The following C21orf58 variants were observed in gnomAD, a reference collection of about 807,000 sequenced individuals.
C21orf58 encodes the protein chromosome 21 open reading frame 58.
A neutral mutation model predicts 35.8 loss-of-function variants in C21orf58; 34 were observed. That is an observed-to-expected ratio of 0.95 (90% CI 0.72 to 1.26). C21orf58 has a LOEUF of 1.26. Among genes scored for constraint, C21orf58 ranks in the 50% most tolerant of loss-of-function variants. The probability of loss-of-function intolerance (pLI) is 0.00; values close to 1 mark genes in which losing one functional copy is unlikely to be tolerated. For synonymous variants in C21orf58, 191 were observed against 175.8 expected, an observed-to-expected ratio of 1.09 and a Z score of -0.68; for missense variants, 440 against 414.3, an observed-to-expected ratio of 1.06 and a Z score of -0.54.
chr21:46,322,665 G>C lies in C21orf58; in HGVS notation c.74C>G (p.Pro25Arg). 1 of 1,594,180 alleles carries C rather than the reference G, an allele frequency of 6.3e-7. No individual in the cohort carries two copies. Among genetic ancestry groups the C allele is most frequent in the South Asian group, 1.1e-5 (1 of 87,884 alleles). ...WKLDRQKLPS[P>R]DSGHSLLCGW... Reference sequence around the variant, plus strand: ...ACACAGAAGACTGTGGCCTGAGTCAGGAGAAGGAAGTTTCTGGCGGTCGAG... The same window carrying C: ...ACACAGAAGACTGTGGCCTGAGTCACGAGAAGGAAGTTTCTGGCGGTCGAG... The change falls in exon 1 of 8, where the codon CCT becomes CGT. Residue 25 changes from proline to arginine, a missense_variant. Physicochemically the swap from Pro to Arg is moderately radical, Grantham distance 103. Transcript: ENST00000291691.
chr21:46,313,052 GGAC>G (rs1225894316), intron 5 of C21orf58: 1 of 985,412 alleles, frequency 1.0e-6, no homozygotes, highest in East Asian at 1.1e-4. Flanking sequence ...TTCACAGAAA[GGAC>G]GGCAGAGACC....
intron 1 of C21orf58, chr21:46,322,361 G>A (rs117922731): frequency 0.026 from 21,130 of 813,726 alleles, 303 homozygotes; most frequent in Middle Eastern, 0.048. Flanking sequence ...GATGTCCACA[G>A]AAACGACTCT....
chr21:46,317,453 G>T, intron 2 of C21orf58, 185 bp from the exon 3 acceptor site: 1 of 936,460 alleles, frequency 1.1e-6, no homozygotes, highest in Non-Finnish European at 1.6e-6. Flanking sequence ...CTGTAAGCCT[G>T]ACCTCTAGCA....
At position 46,302,071 on chromosome 21, in the gene C21orf58, A is replaced by ATTG; in HGVS notation, c.896_897insCAA (p.His299_Ala300insAsn). The stretch of plus-strand genomic sequence containing the variant: ...TGGCAGCCCCAGGTGGCCACACAGC[A>ATTG]TGGTGGTGGTGGTGGTGGTGGTGCA... On this transcript the variant is annotated inframe_insertion, in exon 8 of 8. Transcript: ENST00000291691. 6.6e-7 allele frequency: 1 copy of ATTG among 1,506,792 alleles called. No individual in the cohort carries two copies. 93.3% of individuals were successfully genotyped at this position (1,506,792 alleles called of 1,614,324 possible).
At chr21:46,303,741 A>AT (rs2082269193) in intron 6 of C21orf58, among the ~76,000 whole-genome samples, 1 of 24,270 alleles carries the variant, frequency 4.1e-5, no homozygotes, top group African/African-American at 1.6e-4. Flanking sequence ...ATATATATAT[A>AT]TATATTTTTT....
intron 6 of C21orf58, among the ~76,000 whole-genome samples, chr21:46,303,220 T>C (rs111705627): frequency 0.052 from 7,880 of 151,864 alleles, 260 homozygotes; most frequent in Middle Eastern, 0.11. Context: ...ATGCCTGTAG[T>C]CCCAGCTACT....
At chr21:46,306,485 G>A (rs1457298476) in intron 6 of C21orf58, among the ~76,000 whole-genome samples, 3 of 151,924 alleles carry the variant, frequency 2.0e-5, no homozygotes, top group Non-Finnish European at 1.5e-5. Context: ...GCAACAGAGC[G>A]ACACTCCCAT....
At chr21:46,318,580 G>A (rs2083059914) in intron 1 of C21orf58, 1 of 1,164,028 alleles carries the variant, frequency 8.6e-7, no homozygotes, top group Non-Finnish European at 1.1e-6. Context: ...CCTCCAGGGT[G>A]TTAATACCTC....
rs1229887750 is a variant in C21orf58 at position 46,301,149 on chromosome 21, A to G, written c.*850T>C. 4.9e-6 allele frequency: 4 copies of G among 815,818 alleles called. No homozygotes were observed. Among genetic ancestry groups the G allele is most frequent in the Non-Finnish European group, 5.4e-6 (4 of 742,682 alleles). The allele number at this position is 815,818 out of a possible 1,614,324, so 50.5% of individuals were successfully genotyped here. ...CACAGCTTGCTTCTTTCACTTTTTTATTTTATTTTTGAGACAGGGGCCTGC... is the reference window on the plus strand; with the variant it reads ...CACAGCTTGCTTCTTTCACTTTTTTGTTTTATTTTTGAGACAGGGGCCTGC... On this transcript the variant is annotated 3_prime_UTR_variant, in exon 8 of 8. Coordinates refer to ENST00000291691, the MANE Select transcript of C21orf58 (RefSeq NM_058180.5).
At chr21:46,311,601 T>C (rs2082690848) in intron 5 of C21orf58, 34 bp from the exon 6 acceptor site, 4 of 1,366,166 alleles carry the variant, frequency 2.9e-6, no homozygotes, top group Non-Finnish European at 4.1e-6. Context: ...TATCTGCATA[T>C]GTCCTTGAAG....
In C21orf58 at chr21:46,304,533, A is replaced by G. The variant is rs894459502; in HGVS notation, c.722-1957T>C. Among the ~76,000 whole-genome samples, 15 of 152,032 alleles carry G rather than the reference A, an allele frequency of 9.9e-5. 1 individual carries two copies. The East Asian group carries it at 1.9e-3, about 20-fold the overall frequency. On this transcript the variant is annotated intron_variant, in intron 6 of 7. Coordinates refer to ENST00000291691, the MANE Select transcript of C21orf58 (RefSeq NM_058180.5). Reference sequence around the variant, plus strand: ...AAACAAAAACAAATGGCCAATAAATATATGAAAAAGTGAAATGCAAATTAA... The same window carrying G: ...AAACAAAAACAAATGGCCAATAAATGTATGAAAAAGTGAAATGCAAATTAA...
At position 46,322,888 on chromosome 21, in the gene C21orf58, C is replaced by A; in HGVS notation, c.-150G>T. On this transcript the variant is annotated 5_prime_UTR_variant, in exon 1 of 8. Transcript: ENST00000291691. The stretch of plus-strand genomic sequence containing the variant: ...TTGCGTCAGCGAGGAGCCACTCCAG[C>A]ACGCTCGGGAAGGGCATCGTTACTG... The A allele has an allele frequency of 1.9e-6, 1 of 519,884 alleles. No individual in the cohort carries two copies. The highest frequency in any genetic ancestry group is 3.3e-6 in the Non-Finnish European group (1 of 300,918). The allele number at this position is 519,884 out of a possible 1,614,324, so 32.2% of individuals were successfully genotyped here. A position where few individuals can be genotyped will look rare whatever the true frequency, so the allele number is the denominator to read the frequency against.
In C21orf58 at chr21:46,317,192, G is replaced by A; in HGVS notation, c.370+16C>T. 1.2e-6 allele frequency: 2 copies of A among 1,607,772 alleles called. No individual in the cohort carries two copies. The highest frequency in any genetic ancestry group is 1.1e-5 in the South Asian group (1 of 90,340). ...CGTCTGTCTGTGCTGGTTCCAAGCA[G>A]CCCAGGGGCTCTCACCTGGCTCGAG... On this transcript the variant is annotated intron_variant, in intron 3 of 7. Transcript: ENST00000291691.
In C21orf58 at chr21:46,323,280, T is replaced by A. The variant is rs1475609109; in HGVS notation, c.-542A>T. The stretch of plus-strand genomic sequence containing the variant: ...TCCGTGGTTTCCACCTCTGCAAGCT[T>A]ATGTTCCGCTGAGCTCAAGCTGAGG... On this transcript the variant is annotated 5_prime_UTR_variant, in exon 1 of 8. An upstream open reading frame in the 5' UTR loses its in-frame stop. Coordinates refer to ENST00000291691, the MANE Select transcript of C21orf58 (RefSeq NM_058180.5). 6.6e-6 allele frequency: 1 copy of A among 152,318 alleles called. No homozygotes were observed. Among genetic ancestry groups the A allele is most frequent in the East Asian group, 1.9e-4 (1 of 5,194 alleles). 9.4% of individuals were successfully genotyped at this position (152,318 alleles called of 1,614,324 possible).
At chr21:46,303,812 T>A (rs1601635949) in intron 6 of C21orf58, among the ~76,000 whole-genome samples, 1 of 135,700 alleles carries the variant, frequency 7.4e-6, no homozygotes, top group Non-Finnish European at 1.6e-5. Context: ...AGTGCAGTGG[T>A]GCGATCTCGA....
At chr21:46,307,371 A>G (rs2082468049) in intron 6 of C21orf58, among the ~76,000 whole-genome samples, 1 of 151,828 alleles carries the variant, frequency 6.6e-6, no homozygotes, top group Non-Finnish European at 1.5e-5. Flanking sequence ...ATAGGCACAC[A>G]CTCACCCATT....
At chr21:46,303,311 C>T (rs2082210742) in intron 6 of C21orf58, among the ~76,000 whole-genome samples, 1 of 151,936 alleles carries the variant, frequency 6.6e-6, no homozygotes, top group South Asian at 2.1e-4. Context: ...TGCACTCTAG[C>T]CTGGGTAACA....
rs1413378087 is a variant in C21orf58 at position 46,314,738 on chromosome 21, G to A, written c.587C>T (p.Pro196Leu). 9.4e-6 allele frequency: 14 copies of A among 1,481,710 alleles called. No homozygotes were observed. The highest frequency in any genetic ancestry group is 6.8e-5 in the South Asian group (5 of 73,880). The allele number at this position is 1,481,710 out of a possible 1,614,324, so 91.8% of individuals were successfully genotyped here. A position where few individuals can be genotyped will look rare whatever the true frequency, so the allele number is the denominator to read the frequency against. ...TACCGTAGGCAGGATGATCCTTGGC[G>A]GGTCTGGGGCCAGCGGGGATGGGGA... ...TASPSPLAPD[P>L]PRIILPTVPQ... The change falls in exon 5 of 8, where the codon CCG (proline) becomes CTG (leucine). Residue 196 changes from proline (P) to leucine (L), a missense_variant. Pro to Leu is a moderately conservative substitution (Grantham distance 98, BLOSUM62 -3). Transcript: ENST00000291691.
chr21:46,317,446 T>A, intron 2 of C21orf58, 178 bp from the exon 3 acceptor site: 1 of 1,048,722 alleles, frequency 9.5e-7, no homozygotes, highest in Non-Finnish European at 1.4e-6. Context: ...GCTGCCTCTG[T>A]AAGCCTGACC....
Sources: gnomAD v4.1 joint callset for allele counts (sites outside exome capture counted in the v4.1 genomes callset) on GRCh38, gnomAD v4.1.1 for gene constraint, MANE v1.5 for transcripts, NCBI Gene and HGNC (gene_info 2026-07-23, HGNC 2026-07-21) for gene names.